NUP153: variants seen among roughly 807,000 people sequenced by gnomAD.
NUP153 encodes nuclear pore complex protein Nup153.
Under a neutral mutation model 134.6 loss-of-function variants are expected in NUP153, and 27 were observed. The observed-to-expected ratio is 0.20, with a 90% CI of 0.15 to 0.28. The LOEUF (loss-of-function observed/expected upper bound fraction) is 0.28, where lower values mean the gene tolerates loss of function less well. Ranked by LOEUF, NUP153 falls within the 10% of genes least tolerant of loss-of-function variation. The probability of loss-of-function intolerance (pLI) is 1.00; values close to 1 mark genes in which losing one functional copy is unlikely to be tolerated. For missense variants in NUP153, 1,821 were observed against 1,731.3 expected (o/e 1.05, Z -0.92); for synonymous variants, 640 against 623.5 (o/e 1.03, Z -0.40).
intron 11 of NUP153, among the ~76,000 whole-genome samples, chr6:17,652,078 G>A (rs1766524981): frequency 6.6e-6 from 1 of 151,994 alleles, no homozygotes; most frequent in African/African-American, 2.4e-5. Context: ...AAATAACCAA[G>A]GGGATAAGAC....
chr6:17,704,673 A>G (rs926462096), intron 1 of NUP153, among the ~76,000 whole-genome samples: 1 of 151,872 alleles, frequency 6.6e-6, no homozygotes, highest in Admixed American at 6.6e-5. Context: ...CTGAACCACA[A>G]TTTTTACTAC....
chr6:17,665,523 G>C (rs538705748), intron 8 of NUP153, 138 bp from the exon 9 acceptor site: 17 of 639,636 alleles, frequency 2.7e-5, no homozygotes, highest in African/African-American at 2.6e-4. Context: ...AAACAAATAA[G>C]AGGAAAAACT....
chr6:17,635,104 C>CTTTTTT (rs59700511), intron 16 of NUP153, among the ~76,000 whole-genome samples: 186 of 104,234 alleles, frequency 1.8e-3, no homozygotes, highest in East Asian at 2.8e-3. Context: ...CTTGGCTTAT[C>CTTTTTT]TTTTTTTTTT....
intron 11 of NUP153, chr6:17,652,037 G>A (rs1277526661): frequency 5.0e-6 from 2 of 396,290 alleles, no homozygotes; most frequent in Non-Finnish European, 9.0e-6. Context: ...GTGACAGAGT[G>A]ACATCTCATC....
At position 17,628,991 on chromosome 6, in the gene NUP153, C is replaced by T; in HGVS notation, c.3208G>A (p.Ala1070Thr). Residue 1070 changes from alanine to threonine, a missense_variant, in exon 18 of 22, where the codon GCT becomes ACT. Ala to Thr is a moderately conservative substitution (Grantham distance 58, BLOSUM62 0). Coordinates refer to ENST00000262077, the MANE Select transcript of NUP153 (RefSeq NM_005124.4). This position sits in a 1 kb window ranked among gnomAD's most constrained non-coding sequence, Gnocchi z 5.4. ...VAPFTCKTSEAKKEEMPATKG... is the reference protein window; with the variant it reads ...VAPFTCKTSETKKEEMPATKG... ...GTGGCAGGCATTTCTTCTTTTTTAG[C>T]TTCTGATGTCTTACATGTGAAAGGA... 6.2e-7 allele frequency: 1 copy of T among 1,614,114 alleles called. No homozygotes were observed.
chr6:17,637,892 C>G lies in NUP153; in HGVS notation c.1847-122G>C, dbSNP rs1581685675. On this transcript the variant is annotated intron_variant, in intron 15 of 21. Transcript: ENST00000262077. ...CACACTTACTACAATCCAAGATGAA[C>G]TACTTAAGAATTGTTTTTCACTTAA... 3 of 1,071,910 alleles carry G rather than the reference C, an allele frequency of 2.8e-6. No individual in the cohort carries two copies. The East Asian group carries it at 7.8e-5, about 28-fold the overall frequency. 66.4% of individuals were successfully genotyped at this position (1,071,910 alleles called of 1,614,324 possible).
chr6:17,694,806 G>T (rs1199806247), intron 1 of NUP153, among the ~76,000 whole-genome samples: 2 of 151,890 alleles, frequency 1.3e-5, no homozygotes, highest in African/African-American at 4.8e-5. Flanking sequence ...GTGAAACCCC[G>T]TCTCTACTAA....
Position 17,675,968 on chromosome 6 carries a change from G to C in NUP153, c.335-198C>G, listed in dbSNP as rs900100011. The stretch of plus-strand genomic sequence containing the variant: ...CTAACTAAAATTAATTTAAATAAGA[G>C]CTAATTTTTTTAAACCAGTAAGAGT... On this transcript the variant is annotated intron_variant, in intron 2 of 21. Transcript: ENST00000262077. This position sits in a 1 kb window ranked among gnomAD's most constrained non-coding sequence, Gnocchi z 4.4. Among the ~76,000 whole-genome samples the C allele has an allele frequency of 1.3e-5, 2 of 152,066 alleles. No individual in the cohort carries two copies. Among genetic ancestry groups the C allele is most frequent in the African/African-American group, 2.4e-5 (1 of 41,400 alleles).
chr6:17,640,413 C>T (rs1765777968), intron 14 of NUP153, among the ~76,000 whole-genome samples: 1 of 152,176 alleles, frequency 6.6e-6, no homozygotes, highest in South Asian at 2.1e-4. Flanking sequence ...TATCTGATTA[C>T]ACAACAATTT....
chr6:17,637,075 A>C, intron 16 of NUP153, 78 bp downstream of exon 16: 1 of 1,375,930 alleles, frequency 7.3e-7, no homozygotes, highest in East Asian at 2.3e-5. Context: ...GAAACATCTA[A>C]AACAAGGATT....
intron 14 of NUP153, among the ~76,000 whole-genome samples, chr6:17,640,794 T>C (rs1036564205): frequency 6.6e-6 from 1 of 151,964 alleles, no homozygotes; most frequent in East Asian, 1.9e-4. Flanking sequence ...TTTTTTTTTT[T>C]ACTTTTTTGT....
chr6:17,645,242 C>CAAAAA (rs1010515280), intron 14 of NUP153, among the ~76,000 whole-genome samples: 1 of 68,806 alleles, frequency 1.5e-5, no homozygotes, highest in Non-Finnish European at 3.2e-5. Context: ...GACTCTGTCT[C>CAAAAA]AAAAAAAAAA....
intron 2 of NUP153, among the ~76,000 whole-genome samples, chr6:17,684,100 G>A (rs1378029066): frequency 6.6e-6 from 1 of 152,126 alleles, no homozygotes; most frequent in African/African-American, 2.4e-5. Context: ...TCTGCCATGA[G>A]TAAAACCTTG....
At chr6:17,644,958 C>T (rs764353240) in intron 14 of NUP153, among the ~76,000 whole-genome samples, 2 of 151,988 alleles carry the variant, frequency 1.3e-5, no homozygotes, top group African/African-American at 4.8e-5. Flanking sequence ...TGGTGGCAGG[C>T]GCCTGTGGTG....
chr6:17,678,399 A>G (rs1252789233), intron 2 of NUP153, among the ~76,000 whole-genome samples: 1 of 150,342 alleles, frequency 6.7e-6, no homozygotes, highest in Admixed American at 6.6e-5. Context: ...GGTTTGAAAA[A>G]CTGACATGTT....
At chr6:17,641,630 G>C (rs906568465) in intron 14 of NUP153, among the ~76,000 whole-genome samples, 1 of 152,204 alleles carries the variant, frequency 6.6e-6, no homozygotes, top group African/African-American at 2.4e-5. Context: ...GAGGCAGGCA[G>C]ATCACGAGGT....
At chr6:17,685,517 C>T (rs1379929279) in intron 2 of NUP153, among the ~76,000 whole-genome samples, 1 of 150,792 alleles carries the variant, frequency 6.6e-6, no homozygotes, top group Non-Finnish European at 1.5e-5. Flanking sequence ...CCACTGCACT[C>T]CAGCCTGGGC....
At position 17,687,561 on chromosome 6, in the gene NUP153, A is replaced by AGGC. The variant is rs1769009003; in HGVS notation, c.334+834_334+835insGCC. On this transcript the variant is annotated intron_variant, in intron 2 of 21. Transcript: ENST00000262077. ...TTAGGTTTGCCATTTCTCTAAAATA[A>AGGC]AAACCATTCTTTCAGGGCCATTTCA... is the stretch of plus-strand genomic sequence containing the variant. Among the ~76,000 whole-genome samples, 4 of 152,346 alleles carry AGGC rather than the reference A, an allele frequency of 2.6e-5. No individual in the cohort carries two copies. The South Asian group carries it at 8.3e-4, about 32-fold the overall frequency.
At chr6:17,656,176 C>T (rs981845793) in intron 11 of NUP153, among the ~76,000 whole-genome samples, 23 of 152,156 alleles carry the variant, frequency 1.5e-4, no homozygotes, top group African/African-American at 4.6e-4. Flanking sequence ...CTGCACTCCA[C>T]CCTGGGAGAC....
Sources: allele counts gnomAD v4.1 joint callset (sites outside exome capture counted in the v4.1 genomes callset), GRCh38; gene constraint gnomAD v4.1.1; non-coding constraint Gnocchi (gnomAD v3.1); transcripts MANE v1.5; gene names NCBI Gene and HGNC (gene_info 2026-07-23, HGNC 2026-07-21).